The following GRM5 variants were observed in gnomAD, a reference collection of about 807,000 sequenced individuals.
GRM5 encodes metabotropic glutamate receptor 5.
In GRM5, 19 loss-of-function variants were observed where a neutral mutation model predicts 83.1. The ratio of observed to expected loss-of-function variants is 0.23; its 90% CI spans 0.16 to 0.34. The LOEUF is 0.34. Among genes scored for constraint, GRM5 ranks in the 10% least tolerant of loss-of-function variants. The probability of loss-of-function intolerance (pLI) is 1.00; values close to 1 mark genes in which losing one functional copy is unlikely to be tolerated. For synonymous variants in GRM5, 675 were observed against 633.6 expected, an observed-to-expected ratio of 1.07 and a Z score of -0.98; for missense variants, 1,160 against 1,588.3, an observed-to-expected ratio of 0.73 and a Z score of 4.58.
At chr11:88,549,298 C>T (rs596344) in intron 8 of GRM5, among the ~76,000 whole-genome samples, 2 of 151,812 alleles carry the variant, frequency 1.3e-5, no homozygotes, top group African/African-American at 2.4e-5. Flanking sequence ...TACCTGGTCT[C>T]TACAAAAAAT....
chr11:88,792,656 A>G (rs1380038735), intron 3 of GRM5, among the ~76,000 whole-genome samples: 3 of 152,102 alleles, frequency 2.0e-5, no homozygotes, highest in South Asian at 2.1e-4. Flanking sequence ...AACTCAATCA[A>G]TATTTAGTCT....
In GRM5 at chr11:88,508,558, C is replaced by T. The variant is rs114055826; in HGVS notation, c.*34G>A. The T allele has an allele frequency of 4.3e-4, 671 of 1,568,734 alleles. No individual in the cohort carries two copies. The African/African-American group carries it at 8.5e-3, about 20-fold the overall frequency. ...TGTGTGAACACGGGGGGCTCCGCTC[C>T]GCACGCGCAGGCCGGCGTGCTTTCC... On this transcript the variant is annotated 3_prime_UTR_variant, in exon 10 of 10. Coordinates refer to ENST00000305447, the MANE Select transcript of GRM5 (RefSeq NM_001143831.3). This position sits in a 1 kb window ranked among gnomAD's most constrained non-coding sequence, Gnocchi z 4.2.
intron 8 of GRM5, among the ~76,000 whole-genome samples, chr11:88,532,634 T>G (rs1942040030): frequency 6.6e-6 from 1 of 152,160 alleles, no homozygotes; most frequent in Admixed American, 6.5e-5. Context: ...CCTCCATGAA[T>G]AAATGAATAA....
chr11:88,915,265 G>C (rs187493154), intron 2 of GRM5, among the ~76,000 whole-genome samples: 105 of 152,160 alleles, frequency 6.9e-4, no homozygotes, highest in African/African-American at 2.3e-3. Flanking sequence ...CAGAAATAAA[G>C]CTGCCCGATA....
Position 88,508,711 on chromosome 11 carries a change from C to A in GRM5, c.3520G>T (p.Asp1174Tyr). Residue 1174 changes from aspartate (D) to tyrosine (Y), a missense_variant, in exon 10 of 10, where the codon GAC becomes TAC. Physicochemically the swap from Asp to Tyr is radical, Grantham distance 160. Around this residue, in one of 9 missense-constraint regions of GRM5, gnomAD observed 562 missense variants for 532.4 expected, o/e 1.06. Coordinates refer to ENST00000305447, the MANE Select transcript of GRM5 (RefSeq NM_001143831.3). The surrounding 1 kb of genome is among the most constrained non-coding windows in gnomAD (Gnocchi z 4.2). ...GAGTTGGGGGTTGTGCTCCCCGAGTCCACCGAGTCTCTGAAGGGGGACGGC... is the reference window on the plus strand; with the variant it reads ...GAGTTGGGGGTTGTGCTCCCCGAGTACACCGAGTCTCTGAAGGGGGACGGC... ...TPPSPFRDSV[D>Y]SGSTTPNSPV... The A allele has an allele frequency of 1.3e-6, 2 of 1,599,772 alleles. No homozygotes were observed. Among genetic ancestry groups the A allele is most frequent in the South Asian group, 1.1e-5 (1 of 90,424 alleles).
intron 3 of GRM5, among the ~76,000 whole-genome samples, chr11:88,796,168 C>T (rs1438496640): frequency 6.6e-6 from 1 of 152,124 alleles, no homozygotes. Flanking sequence ...TCCATGGACA[C>T]AATGTGTTTC....
intron 4 of GRM5, among the ~76,000 whole-genome samples, chr11:88,642,948 A>C (rs1939334834): frequency 6.6e-6 from 1 of 151,988 alleles, no homozygotes; most frequent in Non-Finnish European, 1.5e-5. Context: ...AAATCTTTTG[A>C]CCTCTGCTTG....
chr11:88,923,218 A>C (rs1316616490), intron 2 of GRM5, among the ~76,000 whole-genome samples: 1 of 152,162 alleles, frequency 6.6e-6, no homozygotes, highest in African/African-American at 2.4e-5. Context: ...AAAAGGAAGG[A>C]AAACAGTACA....
rs1413225045 is a variant in GRM5 at position 88,940,824 on chromosome 11, A to G, written c.662-90669T>C. Among the ~76,000 whole-genome samples the G allele has an allele frequency of 2.0e-5, 3 of 152,166 alleles. No homozygotes were observed. The East Asian group carries it at 5.8e-4, about 30-fold the overall frequency. On this transcript the variant is annotated intron_variant, in intron 2 of 9. Transcript: ENST00000305447. ...AACGTACATATTTTGATAAATAAGA[A>G]TATTCACTATAGAAACAGAGAAATA...
intron 2 of GRM5, among the ~76,000 whole-genome samples, chr11:89,006,959 G>A (rs1408120951): frequency 1.3e-5 from 2 of 151,998 alleles, no homozygotes; most frequent in African/African-American, 2.4e-5. Flanking sequence ...CACCACACCC[G>A]GCTAATTTTT....
rs1173731788 is a variant in GRM5 at position 88,506,043 on chromosome 11, A to G, written c.*2549T>C. 2 of 152,224 alleles carry G rather than the reference A, an allele frequency of 1.3e-5. No individual in the cohort carries two copies. The highest frequency in any genetic ancestry group is 6.5e-5 in the Admixed American group (1 of 15,284). 9.4% of individuals were successfully genotyped at this position (152,224 alleles called of 1,614,324 possible). ...CTTATGTCCAACATACAATGTATTCAATGGAGTGGCAAAAGTTATAGAAAT... is the reference window on the plus strand; with the variant it reads ...CTTATGTCCAACATACAATGTATTCGATGGAGTGGCAAAAGTTATAGAAAT... On this transcript the variant is annotated 3_prime_UTR_variant, in exon 10 of 10. Coordinates refer to ENST00000305447, the MANE Select transcript of GRM5 (RefSeq NM_001143831.3).
chr11:88,788,616 G>C (rs1222714239), intron 3 of GRM5, among the ~76,000 whole-genome samples: 1 of 152,064 alleles, frequency 6.6e-6, no homozygotes, highest in Non-Finnish European at 1.5e-5. Context: ...AAGTTGTAAG[G>C]ATATATTACT....
chr11:89,056,389 G>A (rs1327830760), intron 1 of GRM5, among the ~76,000 whole-genome samples: 6 of 152,036 alleles, frequency 3.9e-5, no homozygotes, highest in Non-Finnish European at 8.8e-5. Flanking sequence ...CCTGTGCAAC[G>A]TCACCACAAG....
chr11:88,819,071 A>G (rs16914969), intron 3 of GRM5, among the ~76,000 whole-genome samples: 3,878 of 152,332 alleles, frequency 0.025, 174 homozygotes, highest in African/African-American at 0.089. Flanking sequence ...AAATTTCAAA[A>G]GCAACATTTT....
chr11:88,747,988 C>A (rs568231719), intron 3 of GRM5, among the ~76,000 whole-genome samples: 5 of 152,020 alleles, frequency 3.3e-5, no homozygotes, highest in African/African-American at 9.7e-5. Flanking sequence ...ACCTGACCCA[C>A]GAAGAAGGAA....
chr11:88,591,042 T>C (rs1320096670), intron 6 of GRM5, among the ~76,000 whole-genome samples: 1 of 152,200 alleles, frequency 6.6e-6, no homozygotes, highest in Non-Finnish European at 1.5e-5. Context: ...TAGATACACA[T>C]AACTGAATTC....
At chr11:88,848,836 A>T (rs938733823) in intron 3 of GRM5, among the ~76,000 whole-genome samples, 5 of 152,182 alleles carry the variant, frequency 3.3e-5, no homozygotes, top group Admixed American at 1.3e-4. Flanking sequence ...AGACTGAGTA[A>T]AGCAGATTGC....
At chr11:88,968,658 AGAGT>A (rs1268192436) in intron 2 of GRM5, among the ~76,000 whole-genome samples, 2 of 152,170 alleles carry the variant, frequency 1.3e-5, no homozygotes, top group Admixed American at 6.6e-5. Flanking sequence ...CCTGGGAGAC[AGAGT>A]AAGTCCCTGT....
chr11:88,936,799 C>G (rs564604852), intron 2 of GRM5, among the ~76,000 whole-genome samples: 1 of 151,744 alleles, frequency 6.6e-6, no homozygotes, highest in East Asian at 1.9e-4. Flanking sequence ...AATCACTTTA[C>G]CCTTTCAGTT....
Sources: allele counts gnomAD v4.1 joint callset (sites outside exome capture counted in the v4.1 genomes callset), GRCh38; gene constraint gnomAD v4.1.1; regional missense constraint gnomAD v4.1.1; non-coding constraint Gnocchi (gnomAD v3.1); transcripts MANE v1.5; gene names NCBI Gene and HGNC (gene_info 2026-07-23, HGNC 2026-07-21).